PRKG1: variants seen among roughly 807,000 people sequenced by gnomAD.
PRKG1 encodes the protein protein kinase cGMP-dependent 1, also known as cGMP-dependent protein kinase 1.
Under a neutral mutation model 88.1 loss-of-function variants are expected in PRKG1, and 35 were observed. That is an observed-to-expected ratio of 0.40 (90% CI 0.30 to 0.53). The LOEUF is 0.53. Ranked by LOEUF, PRKG1 falls within the 20% of genes least tolerant of loss-of-function variation. PRKG1 has a pLI of 0.59. For missense variants in PRKG1, 540 were observed against 839.8 expected (o/e 0.64, Z 4.41); for synonymous variants, 303 against 292.5 (o/e 1.04, Z -0.37).
intron 3 of PRKG1, among the ~76,000 whole-genome samples, chr10:51,608,292 C>A (rs1437809286): frequency 1.3e-5 from 2 of 152,070 alleles, no homozygotes; most frequent in African/African-American, 4.8e-5. Flanking sequence ...AATGAGGAGA[C>A]GGAAGGAAAC....
intron 5 of PRKG1, 165 bp downstream of exon 5, chr10:51,907,735 A>G: frequency 1.9e-6 from 1 of 517,156 alleles, no homozygotes; most frequent in Non-Finnish European, 3.4e-6. Context: ...GCAGCTTATC[A>G]TGTCTGACAT....
intron 3 of PRKG1, among the ~76,000 whole-genome samples, chr10:51,573,849 T>C (rs1002035859): frequency 1.3e-5 from 2 of 151,914 alleles, no homozygotes; most frequent in East Asian, 3.9e-4. Flanking sequence ...TGTTTGTATA[T>C]AAGCACCTTG....
chr10:51,782,025 C>T (rs528705237), intron 3 of PRKG1, among the ~76,000 whole-genome samples: 8 of 151,630 alleles, frequency 5.3e-5, no homozygotes, highest in Non-Finnish European at 7.4e-5. Flanking sequence ...GTTCTATATG[C>T]AAGTCTTAAG....
At chr10:51,170,861 A>G (rs776376237) in intron 2 of PRKG1, among the ~76,000 whole-genome samples, 4 of 152,124 alleles carry the variant, frequency 2.6e-5, no homozygotes, top group Non-Finnish European at 5.9e-5. Flanking sequence ...ATTTTTAAAA[A>G]TCAAGATGGG....
At chr10:52,254,275 G>T (rs1169923165) in intron 10 of PRKG1, among the ~76,000 whole-genome samples, 2 of 151,858 alleles carry the variant, frequency 1.3e-5, no homozygotes, top group South Asian at 4.1e-4. Context: ...TGAGAATGAC[G>T]CATGCAAGAT....
intron 8 of PRKG1, among the ~76,000 whole-genome samples, chr10:52,156,553 C>T (rs1838105735): frequency 6.6e-6 from 1 of 151,588 alleles, no homozygotes; most frequent in South Asian, 2.1e-4. Context: ...GGATGGATAA[C>T]TGGGAAAATA....
intron 5 of PRKG1, among the ~76,000 whole-genome samples, chr10:51,931,060 A>G (rs1487259001): frequency 6.6e-6 from 1 of 152,100 alleles, no homozygotes; most frequent in Non-Finnish European, 1.5e-5. Flanking sequence ...CCTCTGTAAC[A>G]TCGTATAAAT....
intron 9 of PRKG1, among the ~76,000 whole-genome samples, chr10:52,174,549 C>T (rs988170393): frequency 6.6e-6 from 1 of 151,754 alleles, no homozygotes; most frequent in African/African-American, 2.4e-5. Context: ...ATGTGATTAC[C>T]GTACTTCAAA....
intron 5 of PRKG1, chr10:51,910,982 C>T (rs1391111224): frequency 6.6e-6 from 1 of 152,138 alleles, no homozygotes; most frequent in Non-Finnish European, 1.5e-5. Flanking sequence ...ACCAGTAATT[C>T]TGTGATCCAT....
chr10:51,548,901 C>T (rs1842508923), intron 3 of PRKG1, among the ~76,000 whole-genome samples: 1 of 151,932 alleles, frequency 6.6e-6, no homozygotes, highest in African/African-American at 2.4e-5. Flanking sequence ...CCTAAAATAA[C>T]ACCTTCCCAA....
At chr10:51,257,778 C>T (rs747168598) in intron 2 of PRKG1, among the ~76,000 whole-genome samples, 41 of 152,198 alleles carry the variant, frequency 2.7e-4, no homozygotes, top group African/African-American at 8.2e-4. Context: ...CTGAACCATT[C>T]GCTGTGATTC....
chr10:52,218,155 T>A (rs1170880938), intron 9 of PRKG1, among the ~76,000 whole-genome samples: 1 of 145,116 alleles, frequency 6.9e-6, no homozygotes, highest in East Asian at 2.0e-4. Flanking sequence ...GAGGTTACAG[T>A]GAGCCTAGAT....
intron 7 of PRKG1, among the ~76,000 whole-genome samples, chr10:52,076,119 C>T (rs1846622931): frequency 6.6e-6 from 1 of 152,202 alleles, no homozygotes; most frequent in East Asian, 1.9e-4. Flanking sequence ...GAATCCATAC[C>T]TTGCACGACA....
intron 1 of PRKG1, among the ~76,000 whole-genome samples, chr10:51,084,230 G>T (rs1844189878): frequency 1.3e-5 from 2 of 152,130 alleles, no homozygotes; most frequent in South Asian, 4.1e-4. Context: ...GCGCGTAATT[G>T]GGGAGGGATA....
chr10:51,268,372 G>T (rs1839891715), intron 2 of PRKG1, among the ~76,000 whole-genome samples: 1 of 152,116 alleles, frequency 6.6e-6, no homozygotes, highest in African/African-American at 2.4e-5. Context: ...GAGTGCTATG[G>T]GAGACTGGGG....
At chr10:51,533,850 G>A (rs1184205853) in intron 3 of PRKG1, among the ~76,000 whole-genome samples, 1 of 152,140 alleles carries the variant, frequency 6.6e-6, no homozygotes, top group Non-Finnish European at 1.5e-5. Context: ...TCTTAGAAAA[G>A]TTGTTCTGTC....
intron 3 of PRKG1, among the ~76,000 whole-genome samples, chr10:51,750,605 T>G (rs1837699276): frequency 6.6e-6 from 1 of 152,236 alleles, no homozygotes; most frequent in Admixed American, 6.5e-5. Context: ...ACGCATGAAG[T>G]AGTGCATCAA....
intron 2 of PRKG1, among the ~76,000 whole-genome samples, chr10:51,280,587 C>G (rs112926703): frequency 0.038 from 5,751 of 152,194 alleles, 149 homozygotes; most frequent in South Asian, 0.077. Flanking sequence ...TCTTTTTTCT[C>G]TAAACTTCTC....
At chr10:51,937,266 A>G (rs1589436135) in intron 5 of PRKG1, among the ~76,000 whole-genome samples, 2 of 152,154 alleles carry the variant, frequency 1.3e-5, no homozygotes, top group Middle Eastern at 3.4e-3. Context: ...TATTGTGGCC[A>G]TATTCTATGC....
Sources: gnomAD v4.1 joint callset for allele counts (sites outside exome capture counted in the v4.1 genomes callset) on GRCh38, gnomAD v4.1.1 for gene constraint, MANE v1.5 for transcripts, NCBI Gene and HGNC (gene_info 2026-07-23, HGNC 2026-07-21) for gene names.